PRUNE2: variants seen among roughly 807,000 people sequenced by gnomAD.
PRUNE2 encodes the protein protein prune homolog 2.
In PRUNE2, 164 loss-of-function variants were observed where a neutral mutation model predicts 252.0. The observed-to-expected ratio is 0.65, with a 90% CI of 0.57 to 0.74. The LOEUF (loss-of-function observed/expected upper bound fraction) is 0.74, where lower values mean the gene tolerates loss of function less well. Among genes scored for constraint, PRUNE2 ranks in the 30% least tolerant of loss-of-function variants. The probability of loss-of-function intolerance (pLI) is 0.00; values close to 1 mark genes in which losing one functional copy is unlikely to be tolerated. For synonymous variants in PRUNE2, 1,292 were observed against 1,350.2 expected, an observed-to-expected ratio of 0.96 and a Z score of 0.94; for missense variants, 3,495 against 3,711.0, an observed-to-expected ratio of 0.94 and a Z score of 1.51.
chr9:76,796,964 G>T (rs1442947694), intron 6 of PRUNE2, among the ~76,000 whole-genome samples: 1 of 152,096 alleles, frequency 6.6e-6, no homozygotes, highest in African/African-American at 2.4e-5. Context: ...TGTTGGCTCT[G>T]TCTCTCTGAA....
At chr9:76,697,998 G>A (rs1005808435) in intron 9 of PRUNE2, among the ~76,000 whole-genome samples, 8 of 151,906 alleles carry the variant, frequency 5.3e-5, no homozygotes, top group Admixed American at 1.3e-4. Context: ...CAAGAGAGAA[G>A]AAGGAAATGA....
intron 15 of PRUNE2, among the ~76,000 whole-genome samples, chr9:76,630,646 T>A (rs1214311545): frequency 2.6e-5 from 4 of 152,240 alleles, no homozygotes; most frequent in African/African-American, 9.6e-5. Flanking sequence ...TGCCTCAGCC[T>A]CCCGAGTAGC....
At chr9:76,788,212 C>T (rs751133889) in intron 6 of PRUNE2, 130 of 482,378 alleles carry the variant, frequency 2.7e-4, no homozygotes, top group Non-Finnish European at 3.3e-4. Context: ...AATAATTTCC[C>T]TAGTTTTACT....
rs986036347 is a variant in PRUNE2, at chr9:76,710,505, A to G, written c.1769T>C (p.Phe590Ser). The G allele has an allele frequency of 1.2e-6, 2 of 1,614,016 alleles. No individual in the cohort carries two copies. Residue 590 changes from phenylalanine to serine, a missense_variant, in exon 8 of 19, where the codon TTT (phenylalanine) becomes TCT (serine). By Grantham distance (155) the Phe-to-Ser change is radical. Transcript: ENST00000376718. ...NSERNLSLTD[F>S]VGDESPSPER... ...TGGGGAAGGGGATTCATCTCCCACAAAATCTGTCAGGCTCAAATTTCTTTC... is the reference window on the plus strand; with the variant it reads ...TGGGGAAGGGGATTCATCTCCCACAGAATCTGTCAGGCTCAAATTTCTTTC...
chr9:76,750,389 A>C (rs938184807), intron 6 of PRUNE2, among the ~76,000 whole-genome samples: 1 of 152,174 alleles, frequency 6.6e-6, no homozygotes, highest in Non-Finnish European at 1.5e-5. Context: ...TCTGAATTTA[A>C]TTGAATTACA....
intron 6 of PRUNE2, among the ~76,000 whole-genome samples, chr9:76,728,584 A>G (rs190498013): frequency 3.9e-5 from 6 of 152,388 alleles, no homozygotes; most frequent in Admixed American, 3.9e-4. Flanking sequence ...CATTGACTGA[A>G]CTTTGATAGT....
At chr9:76,813,613 T>C (rs11793741) in intron 6 of PRUNE2, among the ~76,000 whole-genome samples, 2 of 152,314 alleles carry the variant, frequency 1.3e-5, no homozygotes, top group African/African-American at 4.8e-5. Flanking sequence ...TTCTTCATTG[T>C]TTCAGTTTCT....
intron 6 of PRUNE2, among the ~76,000 whole-genome samples, chr9:76,723,810 CTT>C (rs66816205): frequency 1.4e-4 from 19 of 138,576 alleles, no homozygotes; most frequent in Admixed American, 1.4e-4. Flanking sequence ...GCATATCTTT[CTT>C]TTTTTTTTTT....
rs1564114684 is a variant in PRUNE2, at chr9:76,709,352, T to C, written c.2922A>G (p.Thr974=). ...TTTCGTCTCCAGCAAATGTTGGTGA[T>C]GTGTAAGAGTCTGAGGTGGAATAAT... The part of the protein sequence containing the change: ...DTNYSTSDSY[T]SPTFAGDEKE... Residue 974 remains threonine (T), a synonymous_variant, in exon 8 of 19, where the codon ACA becomes ACG. Transcript: ENST00000376718. 1.9e-6 allele frequency: 3 copies of C among 1,614,000 alleles called. No homozygotes were observed. Among genetic ancestry groups the C allele is most frequent in the Non-Finnish European group, 2.5e-6 (3 of 1,179,878 alleles).
intron 6 of PRUNE2, among the ~76,000 whole-genome samples, chr9:76,802,378 T>A (rs1472272177): frequency 6.6e-6 from 1 of 152,172 alleles, no homozygotes. Context: ...GAGAACCCTA[T>A]GTTTAATGTT....
In PRUNE2 at chr9:76,691,113, G is replaced by A. The variant is rs758405310; in HGVS notation, c.8276+12224C>T. Among the ~76,000 whole-genome samples, 11 of 152,184 alleles carry A rather than the reference G, an allele frequency of 7.2e-5. 1 individual carries two copies. The highest frequency in any genetic ancestry group is 1.3e-4 in the Non-Finnish European group (9 of 68,038). On this transcript the variant is annotated intron_variant, in intron 9 of 18. Coordinates refer to ENST00000376718, the MANE Select transcript of PRUNE2 (RefSeq NM_015225.3). ...TTTGGAATAGACTCATGCAGGAGCC[G>A]CTCCCATTTTCTCTACAGGAGGGGC...
chr9:76,846,660 T>C lies in PRUNE2; in HGVS notation c.363A>G (p.Glu121=), dbSNP rs1423090126. The C allele has an allele frequency of 1.9e-6, 3 of 1,613,836 alleles. No homozygotes were observed. The African/African-American group carries it at 4.0e-5, about 22-fold the overall frequency. Residue 121 remains glutamate (E), a synonymous_variant, in exon 4 of 19, where the codon GAA becomes GAG. Coordinates refer to ENST00000376718, the MANE Select transcript of PRUNE2 (RefSeq NM_015225.3). ...SVLASEDKTL[E]SAVVKVINPV... ...GATTAATGACTTTGACAACTGCTGA[T>C]TCTAAAGTTTTGTCTTCACTGTAAA...
chr9:76,880,115 G>A (rs188201211), intron 1 of PRUNE2, among the ~76,000 whole-genome samples: 39 of 151,496 alleles, frequency 2.6e-4, no homozygotes, highest in South Asian at 8.4e-4. Context: ...GAGTTTCACC[G>A]TGTTAGCCAG....
At chr9:76,670,691 G>A (rs10869795) in intron 9 of PRUNE2, among the ~76,000 whole-genome samples, 82,453 of 151,122 alleles carry the variant, frequency 0.55, 26,270 homozygotes, top group Non-Finnish European at 0.7. Context: ...CTCCCAGCAC[G>A]CAGCTGGAGA....
intron 1 of PRUNE2, among the ~76,000 whole-genome samples, chr9:76,872,467 G>C (rs866267265): frequency 6.6e-6 from 1 of 152,100 alleles, no homozygotes; most frequent in Non-Finnish European, 1.5e-5. Flanking sequence ...GCTTCACAGA[G>C]GAGGTGACTT....
rs1175075416 is a variant in PRUNE2, at chr9:76,824,540, C to T, written c.662-814G>A. ...TAATGGGAGTAATAATCCAGAATGGCTAAATTATCCAGAACTGCATAGTTG... is the reference window on the plus strand; with the variant it reads ...TAATGGGAGTAATAATCCAGAATGGTTAAATTATCCAGAACTGCATAGTTG... On this transcript the variant is annotated intron_variant, in intron 5 of 18. Coordinates refer to ENST00000376718, the MANE Select transcript of PRUNE2 (RefSeq NM_015225.3). 2.0e-5 allele frequency among the ~76,000 whole-genome samples: 3 copies of T among 152,170 alleles called. No individual in the cohort carries two copies. In the East Asian group the frequency reaches 5.8e-4, roughly 29 times the overall value.
At chr9:76,717,299 G>T (rs1186376862) in intron 6 of PRUNE2, among the ~76,000 whole-genome samples, 4 of 152,224 alleles carry the variant, frequency 2.6e-5, no homozygotes, top group Non-Finnish European at 4.4e-5. Context: ...AGGAGGCAGA[G>T]CGTGTTTGTT....
In PRUNE2 at chr9:76,707,324, C is replaced by A. The variant is rs533458154; in HGVS notation, c.4950G>T (p.Gly1650=). ...PETGKYSEHS[G]THQESNLIAS... ...CAATTAGATTGCTTTCCTGATGTGT[C>A]CCTGAATGTTCAGAATATTTGCCTG... The change falls in exon 8 of 19, where the codon GGG becomes GGT. Residue 1650 remains glycine, a synonymous_variant. Transcript: ENST00000376718. 3 of 1,613,880 alleles carry A rather than the reference C, an allele frequency of 1.9e-6. No individual in the cohort carries two copies. In the Admixed American group the frequency reaches 5.0e-5, roughly 27 times the overall value.
chr9:76,646,136 C>T (rs1474274969), intron 11 of PRUNE2, among the ~76,000 whole-genome samples: 1 of 152,112 alleles, frequency 6.6e-6, no homozygotes, highest in Non-Finnish European at 1.5e-5. Context: ...GACTGTGAGT[C>T]CCCTGGGCTA....
Sources: allele counts gnomAD v4.1 joint callset (sites outside exome capture counted in the v4.1 genomes callset), GRCh38; gene constraint gnomAD v4.1.1; transcripts MANE v1.5; gene names NCBI Gene and HGNC (gene_info 2026-07-23, HGNC 2026-07-21).